Variants in CEP63 observed in about 807,000 individuals in gnomAD.
CEP63 encodes centrosomal protein of 63 kDa.
CEP63 carries 84 observed loss-of-function variants against 89.1 expected under a neutral mutation model. The ratio of observed to expected loss-of-function variants is 0.94; its 90% confidence interval spans 0.79 to 1.13. CEP63 has a LOEUF of 1.13. Among genes scored for constraint, CEP63 ranks in the 50% most tolerant of loss-of-function variants. The pLI is 0.00. For synonymous variants in CEP63, 267 were observed against 272.5 expected (o/e 0.98, Z 0.20); for missense variants, 838 against 813.3 (o/e 1.03, Z -0.37).
In CEP63 at chr3:134,486,147, C is replaced by T. The variant is rs1935199862; in HGVS notation, c.-81C>T. On this transcript the variant is annotated 5_prime_UTR_variant, in exon 1 of 15. Coordinates refer to ENST00000675561, the MANE Select transcript of CEP63 (RefSeq NM_001353108.3). ...GCAGTGGGCGGAACAAACGCGCCGA[C>T]TACAGAGGCTGGACGTAAGCTTAGC... 2 of 985,618 alleles carry T rather than the reference C, an allele frequency of 2.0e-6. No individual in the cohort carries two copies. The highest frequency in any genetic ancestry group is 2.4e-6 in the Non-Finnish European group (2 of 830,048). 61.1% of individuals were successfully genotyped at this position (985,618 alleles called of 1,614,324 possible).
downstream of CEP63, among the ~76,000 whole-genome samples, chr3:134,579,610 G>T (rs1958296799): frequency 6.6e-6 from 1 of 152,150 alleles, no homozygotes; most frequent in Non-Finnish European, 1.5e-5. Context: ...CAAACCTTCT[G>T]CGCAGTTTTT....
chr3:134,669,773 G>T, the CEP63 span, among the ~76,000 whole-genome samples: 1 of 152,144 alleles, frequency 6.6e-6, no homozygotes, highest in African/African-American at 2.4e-5. Context: ...TAAAAAGATG[G>T]AATCTGGGGT....
chr3:134,746,514 T>C, the CEP63 span, among the ~76,000 whole-genome samples: 1 of 152,238 alleles, frequency 6.6e-6, no homozygotes, highest in African/African-American at 2.4e-5. Context: ...TCCACAATGA[T>C]TGAACTAATT....
the CEP63 span, among the ~76,000 whole-genome samples, chr3:134,744,091 A>G: frequency 2.0e-5 from 3 of 152,332 alleles, no homozygotes; most frequent in East Asian, 1.9e-4. Context: ...TATTGGGTTC[A>G]GAATCCCAAT....
the CEP63 span, among the ~76,000 whole-genome samples, chr3:134,630,050 C>T: frequency 4.1e-4 from 63 of 152,302 alleles, no homozygotes; most frequent in African/African-American, 1.4e-3. Flanking sequence ...AGTGAATTTA[C>T]CATTCTTCTT....
At chr3:134,711,136 T>A in the CEP63 span, among the ~76,000 whole-genome samples, 1 of 152,206 alleles carries the variant, frequency 6.6e-6, no homozygotes, top group African/African-American at 2.4e-5. Context: ...ATTAAATAAA[T>A]ATTCAGTATT....
At chr3:134,681,960 C>A in the CEP63 span, among the ~76,000 whole-genome samples, 7 of 152,208 alleles carry the variant, frequency 4.6e-5, no homozygotes, top group Non-Finnish European at 5.9e-5. Flanking sequence ...GCCCCCTTGG[C>A]TGCTCTAGTT....
chr3:134,768,869 C>T, the CEP63 span, among the ~76,000 whole-genome samples: 2 of 152,128 alleles, frequency 1.3e-5, no homozygotes, highest in African/African-American at 4.8e-5. Context: ...ACATGAGCTC[C>T]TCCATAGCAG....
At chr3:134,577,089 T>G (rs2110312882), downstream of CEP63, among the ~76,000 whole-genome samples, 1 of 151,960 alleles carries the variant, frequency 6.6e-6, no homozygotes, top group Middle Eastern at 3.4e-3. Context: ...GGAAAGGGAG[T>G]GGGGGCCCAG....
the CEP63 span, among the ~76,000 whole-genome samples, chr3:134,594,175 G>T: frequency 2.0e-5 from 3 of 152,062 alleles, no homozygotes; most frequent in East Asian, 5.8e-4. Context: ...CTAAATAAAC[G>T]CTTCCTCATT....
intron 3 of CEP63, among the ~76,000 whole-genome samples, chr3:134,520,124 TAGAG>T (rs1164075682): frequency 1.3e-5 from 2 of 152,060 alleles, no homozygotes; most frequent in Non-Finnish European, 2.9e-5. Flanking sequence ...ACATAAGGAT[TAGAG>T]AGGAAGAAAT....
chr3:134,561,376 G>A lies in CEP63; in HGVS notation c.1954-1G>A, dbSNP rs750155207. The A allele has an allele frequency of 3.7e-6, 6 of 1,613,526 alleles. No homozygotes were observed. Among genetic ancestry groups the A allele is most frequent in the Non-Finnish European group, 5.1e-6 (6 of 1,179,540 alleles). ...CATGTCAAAATTTGTGTCTCTTCCA[G>A]TGTTCCTTGCCTGTATCTCCCCTTG... On this transcript the variant is annotated splice_acceptor_variant, in intron 14 of 14. Transcript: ENST00000675561. LOFTEE classifies it high-confidence loss of function.
At chr3:134,524,866 G>C (rs1948297293) in intron 3 of CEP63, among the ~76,000 whole-genome samples, 1 of 152,134 alleles carries the variant, frequency 6.6e-6, no homozygotes, top group African/African-American at 2.4e-5. Context: ...TCTCTGCCAG[G>C]TTTTGGTATC....
At chr3:134,539,898 C>T (rs764497109) in intron 6 of CEP63, among the ~76,000 whole-genome samples, 8 of 152,028 alleles carry the variant, frequency 5.3e-5, no homozygotes, top group Non-Finnish European at 1.0e-4. Context: ...ATAATTCTAC[C>T]GTTAAGAGAT....
At position 134,564,554 on chromosome 3, in the gene CEP63, G is replaced by GT; in HGVS notation, c.*3019_*3020insT. ...TCAGCATGCTGCCTAACACATAACA[G>GT]ATCCTAAGCAAATATTGGGTGGATG... On this transcript the variant is annotated 3_prime_UTR_variant, in exon 15 of 15. Coordinates refer to ENST00000675561, the MANE Select transcript of CEP63 (RefSeq NM_001353108.3). The GT allele has an allele frequency of 1.0e-6, 1 of 985,404 alleles. No homozygotes were observed. Among genetic ancestry groups the GT allele is most frequent in the Middle Eastern group, 5.2e-4 (1 of 1,914 alleles). 61.0% of individuals were successfully genotyped at this position (985,404 alleles called of 1,614,324 possible).
chr3:134,505,692 G>T (rs1057425056), intron 2 of CEP63, among the ~76,000 whole-genome samples: 1 of 152,128 alleles, frequency 6.6e-6, no homozygotes, highest in East Asian at 1.9e-4. Flanking sequence ...CAGTGATCAC[G>T]GTAGGTTGAT....
At chr3:134,604,204 G>C in the CEP63 span, 1 of 1,612,666 alleles carries the variant, frequency 6.2e-7, no homozygotes, top group Non-Finnish European at 8.5e-7. Context: ...GAACCAGCTG[G>C]GGCCCACGGG....
chr3:134,717,757 A>G, the CEP63 span, among the ~76,000 whole-genome samples: 11 of 152,368 alleles, frequency 7.2e-5, no homozygotes, highest in East Asian at 1.7e-3. Context: ...CCTGAGAGCA[A>G]GAATGAAGAC....
At chr3:134,533,148 T>TA (rs554861105) in intron 5 of CEP63, among the ~76,000 whole-genome samples, 43 of 152,282 alleles carry the variant, frequency 2.8e-4, no homozygotes, top group Admixed American at 2.4e-3. Context: ...TTTGCAAATG[T>TA]ACGGAGACAT....
Sources: gnomAD v4.1 joint callset for allele counts (sites outside exome capture counted in the v4.1 genomes callset) on GRCh38, gnomAD v4.1.1 for gene constraint, MANE v1.5 for transcripts, NCBI Gene and HGNC (gene_info 2026-07-23, HGNC 2026-07-21) for gene names.